Variants in ARID3A observed in about 807,000 individuals in gnomAD.
ARID3A encodes the protein AT-rich interactive domain-containing protein 3A.
ARID3A carries 11 observed loss-of-function variants against 52.7 expected under a neutral mutation model. That is an observed-to-expected ratio of 0.21 (90% CI 0.13 to 0.35). ARID3A has a LOEUF of 0.35. Ranked by LOEUF, ARID3A falls within the 10% of genes least tolerant of loss-of-function variation. The pLI, the probability that ARID3A is intolerant of heterozygous loss-of-function variation, is 1.00. For synonymous variants in ARID3A, 404 were observed against 359.4 expected, an observed-to-expected ratio of 1.12 and a Z score of -1.40; for missense variants, 721 against 838.5, an observed-to-expected ratio of 0.86 and a Z score of 1.73.
rs972846169 is a variant in ARID3A at position 960,321 on chromosome 19, G to A, written c.766+157G>A. On this transcript the variant is annotated intron_variant, in intron 4 of 8. Transcript: ENST00000263620. The surrounding 1 kb of genome is among the most constrained non-coding windows in gnomAD (Gnocchi z 4.3). ...CGGGAGGGACTTCAGGGGTGTCTTGGGGGGAAACACATCCTGCCATGGAGG... is the reference window on the plus strand; with the variant it reads ...CGGGAGGGACTTCAGGGGTGTCTTGAGGGGAAACACATCCTGCCATGGAGG... 6.6e-6 allele frequency among the ~76,000 whole-genome samples: 1 copy of A among 152,096 alleles called. No individual in the cohort carries two copies. Among genetic ancestry groups the A allele is most frequent in the African/African-American group, 2.4e-5 (1 of 41,408 alleles).
chr19:946,480 T>G (rs1331170626), intron 3 of ARID3A, among the ~76,000 whole-genome samples: 2 of 121,536 alleles, frequency 1.6e-5, no homozygotes, highest in Non-Finnish European at 3.5e-5. Context: ...TCTCACTGTC[T>G]CCCAGGCTAG....
At chr19:961,277 C>T (rs555938419) in intron 4 of ARID3A, among the ~76,000 whole-genome samples, 2 of 152,296 alleles carry the variant, frequency 1.3e-5, no homozygotes, top group East Asian at 1.9e-4. Flanking sequence ...GCCCCAGACC[C>T]GCCACTGCCA....
intron 6 of ARID3A, 75 bp from the exon 7 acceptor site, chr19:966,497 G>C: frequency 8.5e-7 from 1 of 1,183,310 alleles, no homozygotes; most frequent in Non-Finnish European, 1.2e-6. Context: ...AAAAAAGAAG[G>C]TGCATGTTCC....
In ARID3A at chr19:964,477, G is replaced by A. The variant is rs1424435705; in HGVS notation, c.950+46G>A. The A allele has an allele frequency of 1.9e-5, 29 of 1,525,102 alleles. No homozygotes were observed. The highest frequency in any genetic ancestry group is 4.0e-4 in the Middle Eastern group (2 of 5,040). 94.5% of individuals were successfully genotyped at this position (1,525,102 alleles called of 1,614,324 possible). ...CCGAGGTCGGGCCAGGGCACTCTGAGCAGCCAGTGCAAGGGGCCTGCAGAA... is the reference window on the plus strand; with the variant it reads ...CCGAGGTCGGGCCAGGGCACTCTGAACAGCCAGTGCAAGGGGCCTGCAGAA... On this transcript the variant is annotated intron_variant, in intron 5 of 8. Transcript: ENST00000263620. The surrounding 1 kb of genome is among the most constrained non-coding windows in gnomAD (Gnocchi z 5.7).
chr19:968,499 C>T lies in ARID3A; in HGVS notation c.1590C>T (p.Tyr530=), dbSNP rs2038210900. The T allele has an allele frequency of 6.2e-7, 1 of 1,613,634 alleles. No individual in the cohort carries two copies. Among genetic ancestry groups the T allele is most frequent in the Non-Finnish European group, 8.5e-7 (1 of 1,179,878 alleles). ...CGGTGGAGATCAACGGCATCATGTA[C>T]ACAGGTAGGACCCCTGAGGCCACGC... is the stretch of plus-strand genomic sequence containing the variant. ...SMSVEINGIM[Y]TGVLFAQPPA... The change falls in exon 8 of 9, where the codon TAC becomes TAT. Residue 530 remains tyrosine, a synonymous_variant. Coordinates refer to ENST00000263620, the MANE Select transcript of ARID3A (RefSeq NM_005224.3).
chr19:936,660 G>A (rs140643223), intron 3 of ARID3A, among the ~76,000 whole-genome samples: 3,505 of 152,140 alleles, frequency 0.023, 202 homozygotes, highest in East Asian at 0.2. Flanking sequence ...GGCTAACACG[G>A]TGAAACCCTG....
chr19:929,636 C>T lies in ARID3A; in HGVS notation c.108C>T (p.Pro36=), dbSNP rs758613246. The change falls in exon 2 of 9, where the codon CCC becomes CCT. Residue 36 remains proline, a synonymous_variant. Transcript: ENST00000263620. The surrounding 1 kb of genome is among the most constrained non-coding windows in gnomAD (Gnocchi z 6.2). ...CCCCCGATCCCCCTGCTGCACCCCCCGGCCGGGCCCGGGCTGCCCCCGACG... is the reference window on the plus strand; with the variant it reads ...CCCCCGATCCCCCTGCTGCACCCCCTGGCCGGGCCCGGGCTGCCCCCGACG... ...QLPPDPPAAP[P]GRARAAPDED... 2.8e-5 allele frequency: 43 copies of T among 1,528,480 alleles called. No homozygotes were observed. Among genetic ancestry groups the T allele is most frequent in the Non-Finnish European group, 3.1e-5 (36 of 1,144,144 alleles). 94.7% of individuals were successfully genotyped at this position (1,528,480 alleles called of 1,614,324 possible).
chr19:969,678 T>G (rs1008162094), intron 8 of ARID3A, among the ~76,000 whole-genome samples: 3 of 150,622 alleles, frequency 2.0e-5, no homozygotes, highest in Non-Finnish European at 3.0e-5. Context: ...TAGATATATA[T>G]ATATATAGTT....
At position 941,644 on chromosome 19, in the gene ARID3A, T is replaced by C. The variant is rs891522283; in HGVS notation, c.693+8902T>C. Among the ~76,000 whole-genome samples the C allele has an allele frequency of 6.6e-6, 1 of 152,126 alleles. No individual in the cohort carries two copies. Among genetic ancestry groups the C allele is most frequent in the Admixed American group, 6.6e-5 (1 of 15,262 alleles). On this transcript the variant is annotated intron_variant, in intron 3 of 8. Transcript: ENST00000263620. The surrounding 1 kb of genome is among the most constrained non-coding windows in gnomAD (Gnocchi z 6.9). The stretch of plus-strand genomic sequence containing the variant: ...TTTTTTTAACTATAAAGATGGGGTC[T>C]TGCCATCATGTTGCCCAGCCTGGTC...
intron 8 of ARID3A, among the ~76,000 whole-genome samples, chr19:970,300 A>G (rs1389168449): frequency 1.3e-5 from 2 of 152,084 alleles, no homozygotes; most frequent in African/African-American, 4.8e-5. Flanking sequence ...GCAATGGAGC[A>G]AGACTTCGTC....
In ARID3A at chr19:929,515, C is replaced by A; in HGVS notation, c.-14C>A. 6.7e-7 allele frequency: 1 copy of A among 1,501,284 alleles called. No homozygotes were observed. Among genetic ancestry groups the A allele is most frequent in the Non-Finnish European group, 8.8e-7 (1 of 1,130,590 alleles). The allele number at this position is 1,501,284 out of a possible 1,614,324, so 93.0% of individuals were successfully genotyped here. ...GGTGGTGGTGGTGGTGGTGGTGGCCCGGGCCGCAGGGCCATGAAACTACAG... is the reference window on the plus strand; with the variant it reads ...GGTGGTGGTGGTGGTGGTGGTGGCCAGGGCCGCAGGGCCATGAAACTACAG... On this transcript the variant is annotated 5_prime_UTR_variant, in exon 2 of 9. Coordinates refer to ENST00000263620, the MANE Select transcript of ARID3A (RefSeq NM_005224.3). This position sits in a 1 kb window ranked among gnomAD's most constrained non-coding sequence, Gnocchi z 6.2.
In ARID3A at chr19:974,713, G is replaced by T; in HGVS notation, c.*2648G>T. 1 of 231,630 alleles carries T rather than the reference G, an allele frequency of 4.3e-6. No individual in the cohort carries two copies. The highest frequency in any genetic ancestry group is 8.5e-6 in the Non-Finnish European group (1 of 117,016). The allele number at this position is 231,630 out of a possible 1,614,324, so 14.3% of individuals were successfully genotyped here. ...CTGGGGAGGGGCCGTGCAGGGTCGA[G>T]GGCTGGGTCGTCTCCCTCGGGCTGC... On this transcript the variant is annotated 3_prime_UTR_variant, in exon 9 of 9. Transcript: ENST00000263620.
rs2038338801 is a variant in ARID3A at position 974,311 on chromosome 19, A to G, written c.*2246A>G. 1 of 226,626 alleles carries G rather than the reference A, an allele frequency of 4.4e-6. No homozygotes were observed. Among genetic ancestry groups the G allele is most frequent in the Admixed American group, 5.7e-5 (1 of 17,560 alleles). 14.0% of individuals were successfully genotyped at this position (226,626 alleles called of 1,614,324 possible). A position where few individuals can be genotyped will look rare whatever the true frequency, so the allele number is the denominator to read the frequency against. On this transcript the variant is annotated 3_prime_UTR_variant, in exon 9 of 9. Coordinates refer to ENST00000263620, the MANE Select transcript of ARID3A (RefSeq NM_005224.3). ...TTCCAGGAGGGGGTGGTGGGCGTCT[A>G]GGTTTTCCTTGTCCCTTCCTGGGGC...
Position 965,044 on chromosome 19 carries a change from G to T in ARID3A, c.1162G>T (p.Gly388Cys). The T allele has an allele frequency of 6.2e-7, 1 of 1,612,488 alleles. No individual in the cohort carries two copies. The highest frequency in any genetic ancestry group is 1.3e-5 in the African/African-American group (1 of 75,002). The change falls in exon 6 of 9, where the codon GGC (glycine) becomes TGC (cysteine). Residue 388 changes from glycine to cysteine, a missense_variant. Physicochemically the swap from Gly to Cys is radical, Grantham distance 159. This residue lies in a region of ARID3A where 297 missense variants were observed against 343.2 expected (regional missense o/e 0.87). Coordinates refer to ENST00000263620, the MANE Select transcript of ARID3A (RefSeq NM_005224.3). ...SSLGLAASTN[G>C]SSITPAPKIK... ...CCTGGGCCTGGCCGCAAGCACCAAT[G>T]GCAGCTCCATCACCCCCGCCCCTAA...
chr19:929,463 C>A lies in ARID3A; in HGVS notation c.-66C>A. 1 of 1,404,674 alleles carries A rather than the reference C, an allele frequency of 7.1e-7. No individual in the cohort carries two copies. Among genetic ancestry groups the A allele is most frequent in the Non-Finnish European group, 9.2e-7 (1 of 1,085,070 alleles). 87.0% of individuals were successfully genotyped at this position (1,404,674 alleles called of 1,614,324 possible). ...CCCCTCCCCGCAGGGGCCGCCCCCG[C>A]CGCCCACCCCTAGCGCCCGTGGTGG... On this transcript the variant is annotated 5_prime_UTR_variant, in exon 2 of 9. Transcript: ENST00000263620. The surrounding 1 kb of genome is among the most constrained non-coding windows in gnomAD (Gnocchi z 6.2).
At chr19:939,262 G>T (rs1340861935) in intron 3 of ARID3A, among the ~76,000 whole-genome samples, 2 of 152,044 alleles carry the variant, frequency 1.3e-5, no homozygotes, top group Non-Finnish European at 2.9e-5. Flanking sequence ...GGGACTACAG[G>T]CGCCCACCAC....
At chr19:926,584 T>C (rs942497459) in intron 1 of ARID3A, among the ~76,000 whole-genome samples, 1 of 151,570 alleles carries the variant, frequency 6.6e-6, no homozygotes, top group Non-Finnish European at 1.5e-5. Context: ...GGGAGGGTAG[T>C]TCCCGGCGAG....
rs1228012985 is a variant in ARID3A, at chr19:964,442, G to T, written c.950+11G>T. 1 of 1,576,164 alleles carries T rather than the reference G, an allele frequency of 6.3e-7. No homozygotes were observed. Reference sequence around the variant, plus strand: ...CACCCTGCGGACCCAGTGAGTGGCGGACGGTTGTGCCGAGGTCGGGCCAGG... The same window carrying T: ...CACCCTGCGGACCCAGTGAGTGGCGTACGGTTGTGCCGAGGTCGGGCCAGG... On this transcript the variant is annotated intron_variant, in intron 5 of 8. Coordinates refer to ENST00000263620, the MANE Select transcript of ARID3A (RefSeq NM_005224.3). The surrounding 1 kb of genome is among the most constrained non-coding windows in gnomAD (Gnocchi z 5.7).
At chr19:930,500 C>T (rs1347169377) in intron 2 of ARID3A, among the ~76,000 whole-genome samples, 3 of 146,988 alleles carry the variant, frequency 2.0e-5, no homozygotes, top group Admixed American at 2.0e-4. Flanking sequence ...TGCAGTGAGC[C>T]AAGAATGTGG....
Sources: gnomAD v4.1 joint callset for allele counts (sites outside exome capture counted in the v4.1 genomes callset) on GRCh38, gnomAD v4.1.1 for gene constraint, gnomAD v4.1.1 regional missense constraint, Gnocchi (gnomAD v3.1) non-coding constraint, MANE v1.5 for transcripts, NCBI Gene and HGNC (gene_info 2026-07-23, HGNC 2026-07-21) for gene names.